The following TIMELESS variants were observed in gnomAD, a reference collection of about 807,000 sequenced individuals.
TIMELESS encodes the protein protein timeless homolog.
A neutral mutation model predicts 164.3 loss-of-function variants in TIMELESS; 124 were observed. That is an observed-to-expected ratio of 0.75 (90% CI 0.65 to 0.88). The LOEUF is 0.88. Ranked by LOEUF, TIMELESS falls within the 40% of genes least tolerant of loss-of-function variation. The pLI is 0.00. For missense variants in TIMELESS, 1,422 were observed against 1,491.4 expected (o/e 0.95, Z 0.77); for synonymous variants, 564 against 563.4 (o/e 1.00, Z -0.02).
chr12:56,430,845 C>T (rs758486841), intron 9 of TIMELESS, 36 bp downstream of exon 9: 1 of 1,410,660 alleles, frequency 7.1e-7, no homozygotes, highest in East Asian at 2.4e-5. Flanking sequence ...CTATGCAACT[C>T]CACTATGTTC....
At position 56,435,880 on chromosome 12, in the gene TIMELESS, A is replaced by G. The variant is rs185915874; in HGVS notation, c.-61-1649T>C. ...AGGCTGAGGCAGGAGAATGGAGTGAACCCGAGAGGTGGAGCTTGCAGTGAG... is the reference window on the plus strand; with the variant it reads ...AGGCTGAGGCAGGAGAATGGAGTGAGCCCGAGAGGTGGAGCTTGCAGTGAG... On this transcript the variant is annotated intron_variant, in intron 1 of 28. Coordinates refer to ENST00000553532, the MANE Select transcript of TIMELESS (RefSeq NM_003920.5). 1.6e-3 allele frequency among the ~76,000 whole-genome samples: 236 copies of G among 151,180 alleles called. 1 individual carries two copies. The highest frequency in any genetic ancestry group is 5.6e-3 in the African/African-American group (231 of 41,104).
intron 19 of TIMELESS, 24 bp downstream of exon 19, chr12:56,422,823 A>AC: frequency 4.1e-5 from 39 of 961,254 alleles, no homozygotes; most frequent in East Asian, 6.6e-5. Flanking sequence ...ACCCCCACCC[A>AC]CCCTTTGCCA....
In TIMELESS at chr12:56,424,766, C is replaced by A; in HGVS notation, c.1864G>T (p.Ala622Ser). Residue 622 changes from alanine (A) to serine (S), a missense_variant, in exon 15 of 29, where the codon GCT (alanine) becomes TCT (serine). Transcript: ENST00000553532. ...ATGAGCAGGCAGGGTTCTTACCGAGCAGACCTCAGGAGAGTCAGGGCCTGT... is the reference window on the plus strand; with the variant it reads ...ATGAGCAGGCAGGGTTCTTACCGAGAAGACCTCAGGAGAGTCAGGGCCTGT... ...APQALTLLRS[A>S]REVWPEGDVF... is the part of the protein sequence containing the mutation. 1 of 1,613,696 alleles carries A rather than the reference C, an allele frequency of 6.2e-7. No homozygotes were observed.
At chr12:56,448,523 G>C (rs1000203409) in intron 1 of TIMELESS, among the ~76,000 whole-genome samples, 1 of 151,664 alleles carries the variant, frequency 6.6e-6, no homozygotes. Flanking sequence ...TCAGGAGTTT[G>C]AGATCATCCT....
In TIMELESS at chr12:56,425,103, G is replaced by A. The variant is rs142476558; in HGVS notation, c.1628C>T (p.Ala543Val). 6.4e-5 allele frequency: 103 copies of A among 1,614,084 alleles called. No individual in the cohort carries two copies. Among genetic ancestry groups the A allele is most frequent in the East Asian group, 3.3e-4 (15 of 44,892 alleles). ...AGATGGGACATTACCAGAAACAATGGCCTGGTCTAGGACCTTCTTCTTCTT... is the reference window on the plus strand; with the variant it reads ...AGATGGGACATTACCAGAAACAATGACCTGGTCTAGGACCTTCTTCTTCTT... ...RKKKKKVLDQ[A>V]IVSGNVPSSP... is the part of the protein sequence containing the mutation. The change falls in exon 14 of 29, where the codon GCC (alanine) becomes GTC (valine). Residue 543 changes from alanine (A) to valine (V), a missense_variant. Transcript: ENST00000553532.
intron 1 of TIMELESS, among the ~76,000 whole-genome samples, chr12:56,438,298 GC>G (rs1882136849): frequency 6.6e-6 from 1 of 152,078 alleles, no homozygotes; most frequent in African/African-American, 2.4e-5. Flanking sequence ...GCCCGTCTTG[GC>G]CTCACAAAGT....
Position 56,421,511 on chromosome 12 carries a change from G to A in TIMELESS, c.2726-18C>T, listed in dbSNP as rs766361579. 16 of 1,604,724 alleles carry A rather than the reference G, an allele frequency of 1.0e-5. No individual in the cohort carries two copies. Among genetic ancestry groups the A allele is most frequent in the Non-Finnish European group, 1.4e-5 (16 of 1,174,328 alleles). On this transcript the variant is annotated intron_variant, in intron 22 of 28. Transcript: ENST00000553532. ...CAGGACATCTATAAAAAGCAAGCAT[G>A]TGAATACCCAAGGGTAACAGGGAAA...
At chr12:56,445,223 T>C (rs9737797) in intron 1 of TIMELESS, among the ~76,000 whole-genome samples, 11,190 of 135,890 alleles carry the variant, frequency 0.082, 1,327 homozygotes, top group African/African-American at 0.27. Context: ...GTTGGGAGTT[T>C]GAGACCAGCC....
At chr12:56,427,723 G>C (rs956569423) in intron 13 of TIMELESS, among the ~76,000 whole-genome samples, 7 of 152,130 alleles carry the variant, frequency 4.6e-5, no homozygotes, top group African/African-American at 1.7e-4. Flanking sequence ...TTACAGGTGT[G>C]CATCAACACG....
Position 56,422,994 on chromosome 12 carries a change from T to C in TIMELESS, c.2293-2A>G, listed in dbSNP as rs773690937. 1.9e-6 allele frequency: 3 copies of C among 1,612,934 alleles called. No individual in the cohort carries two copies. The highest frequency in any genetic ancestry group is 2.2e-5 in the South Asian group (2 of 90,886). ...GTATTTGGCAAAAGTCACTAGCTCC[T>C]GTAGGAGAAGGAGGTTACTATGAGG... is the stretch of plus-strand genomic sequence containing the variant. On this transcript the variant is annotated splice_acceptor_variant, in intron 18 of 28. Transcript: ENST00000553532. LOFTEE classifies it high-confidence loss of function.
intron 1 of TIMELESS, among the ~76,000 whole-genome samples, chr12:56,444,104 GC>G (rs1868316586): frequency 6.6e-6 from 1 of 151,992 alleles, no homozygotes; most frequent in Non-Finnish European, 1.5e-5. Context: ...CACCATGTTG[GC>G]CAGGCTGGTC....
At chr12:56,431,734 T>C in intron 7 of TIMELESS, 130 bp from the exon 8 acceptor site, 1 of 1,127,634 alleles carries the variant, frequency 8.9e-7, no homozygotes, top group Non-Finnish European at 1.2e-6. Flanking sequence ...CGTTCTCCCT[T>C]ATCTGAGGGG....
chr12:56,425,846 G>A (rs750313661), intron 13 of TIMELESS, among the ~76,000 whole-genome samples: 3 of 152,080 alleles, frequency 2.0e-5, no homozygotes, highest in Non-Finnish European at 4.4e-5. Flanking sequence ...CTGCACTCCA[G>A]CTTAGGTAAC....
At chr12:56,432,846 G>C (rs931661784) in intron 6 of TIMELESS, among the ~76,000 whole-genome samples, 180 bp downstream of exon 6, 6 of 151,546 alleles carry the variant, frequency 4.0e-5, no homozygotes, top group Non-Finnish European at 7.4e-5. Flanking sequence ...CTACTCAGGA[G>C]GCAGAGGCTG....
chr12:56,431,591 A>G lies in TIMELESS; in HGVS notation c.701T>C (p.Leu234Pro). 1 of 1,612,870 alleles carries G rather than the reference A, an allele frequency of 6.2e-7. No individual in the cohort carries two copies. Among genetic ancestry groups the G allele is most frequent in the Non-Finnish European group, 8.5e-7 (1 of 1,179,756 alleles). The stretch of plus-strand genomic sequence containing the variant: ...TAAGCGTCCCTGCCCTACTCCCGCC[A>G]GCTGCTCGGGGTTCTAGATTGGAAC... ...LMFRDQNPEQ[L>P]AGVGQGRLAQ... The change falls in exon 8 of 29, where the codon CTG (leucine) becomes CCG (proline). Residue 234 changes from leucine to proline, a missense_variant. Physicochemically the swap from Leu to Pro is moderately conservative, Grantham distance 98. Transcript: ENST00000553532.
chr12:56,431,880 T>C (rs1274346089), intron 7 of TIMELESS, among the ~76,000 whole-genome samples: 2 of 119,808 alleles, frequency 1.7e-5, no homozygotes. Context: ...TTCTATGTTT[T>C]ATAGAATGTA....
chr12:56,419,814 T>C (rs1881394974), intron 26 of TIMELESS, among the ~76,000 whole-genome samples: 1 of 151,142 alleles, frequency 6.6e-6, no homozygotes, highest in Non-Finnish European at 1.5e-5. Flanking sequence ...ATACACAGCC[T>C]GGGCAACATG....
At chr12:56,444,730 G>GAA (rs60982221) in intron 1 of TIMELESS, among the ~76,000 whole-genome samples, 10,742 of 151,900 alleles carry the variant, frequency 0.071, 1,240 homozygotes, top group African/African-American at 0.24. Flanking sequence ...CTTAAGGGGG[G>GAA]AAAAATCCAA....
In TIMELESS at chr12:56,423,361, G is replaced by A; in HGVS notation, c.2205C>T (p.Asp735=). The change falls in exon 18 of 29, where the codon GAC becomes GAT. Residue 735 remains aspartate, a synonymous_variant. Transcript: ENST00000553532. ...GAAAAAGTAGGGCTTCCATTTTGAGGTCATGGGCCAGCCGGTGCAGCATCT... is the reference window on the plus strand; with the variant it reads ...GAAAAAGTAGGGCTTCCATTTTGAGATCATGGGCCAGCCGGTGCAGCATCT... ...IVKMLHRLAH[D]LKMEALLFQL... The A allele has an allele frequency of 1.9e-6, 3 of 1,614,164 alleles. No homozygotes were observed. The highest frequency in any genetic ancestry group is 8.5e-7 in the Non-Finnish European group (1 of 1,180,040).
Sources: gnomAD v4.1 joint callset for allele counts (sites outside exome capture counted in the v4.1 genomes callset) on GRCh38, gnomAD v4.1.1 for gene constraint, MANE v1.5 for transcripts, NCBI Gene and HGNC (gene_info 2026-07-23, HGNC 2026-07-21) for gene names.